Variants in TENM3 observed in about 807,000 individuals in gnomAD.
The protein encoded by TENM3 is teneurin transmembrane protein 3, also known as teneurin-3.
In TENM3, 63 loss-of-function variants were observed where a neutral mutation model predicts 255.1. The ratio of observed to expected loss-of-function variants is 0.25; its 90% CI spans 0.20 to 0.30. The LOEUF (loss-of-function observed/expected upper bound fraction) is 0.30. Ranked by LOEUF, TENM3 falls within the 10% of genes least tolerant of loss-of-function variation. The pLI, the probability that TENM3 is intolerant of heterozygous loss-of-function variation, is 1.00. For synonymous variants in TENM3, 1,306 were observed against 1,322.3 expected (o/e 0.99, Z 0.27); for missense variants, 2,929 against 3,461.1 (o/e 0.85, Z 3.86).
chr4:182,767,604 A>G (rs1005540601), intron 22 of TENM3, among the ~76,000 whole-genome samples: 5 of 151,620 alleles, frequency 3.3e-5, no homozygotes, highest in African/African-American at 1.2e-4. Context: ...GTGTGTGTGT[A>G]TATTACATAC....
intron 1 of TENM3, among the ~76,000 whole-genome samples, chr4:182,263,234 T>TA (rs1431092804): frequency 6.6e-6 from 1 of 151,962 alleles, no homozygotes; most frequent in African/African-American, 2.4e-5. Context: ...CCAAAGGAAA[T>TA]AGACTGCAGC....
At chr4:182,265,185 T>C (rs1281226728) in intron 1 of TENM3, among the ~76,000 whole-genome samples, 1 of 152,116 alleles carries the variant, frequency 6.6e-6, no homozygotes, top group East Asian at 1.9e-4. Flanking sequence ...CGTTTTTGAG[T>C]TTTGGGGGTA....
chr4:181,502,626 G>A, the TENM3 span, among the ~76,000 whole-genome samples: 2 of 152,136 alleles, frequency 1.3e-5, no homozygotes, highest in Admixed American at 6.5e-5. Flanking sequence ...GAACTAGCAC[G>A]GTGTGGTTCT....
At chr4:181,799,694 CT>C in the TENM3 span, among the ~76,000 whole-genome samples, 1 of 150,540 alleles carries the variant, frequency 6.6e-6, no homozygotes, top group Non-Finnish European at 1.5e-5. Flanking sequence ...CCGCCAAACA[CT>C]TTCTTAGCAG....
the TENM3 span, among the ~76,000 whole-genome samples, chr4:181,782,389 T>A: frequency 6.6e-6 from 1 of 152,200 alleles, no homozygotes; most frequent in African/African-American, 2.4e-5. Flanking sequence ...TTCTTCTAGA[T>A]TTTCTAGTTT....
intron 3 of TENM3, among the ~76,000 whole-genome samples, chr4:182,536,225 C>T (rs996669423): frequency 6.6e-6 from 1 of 152,208 alleles, no homozygotes; most frequent in Non-Finnish European, 1.5e-5. Flanking sequence ...TATGTTGGGG[C>T]AACCAGTGTC....
intron 3 of TENM3, among the ~76,000 whole-genome samples, chr4:182,378,843 A>G (rs1480320350): frequency 6.6e-6 from 1 of 152,210 alleles, no homozygotes; most frequent in Non-Finnish European, 1.5e-5. Context: ...AACTTGCCTA[A>G]GAACCTGGAG....
chr4:182,001,442 C>G, the TENM3 span, among the ~76,000 whole-genome samples: 1 of 151,972 alleles, frequency 6.6e-6, no homozygotes, highest in Non-Finnish European at 1.5e-5. Flanking sequence ...TAAATGGAAC[C>G]TGCCTCCACT....
intron 1 of TENM3, among the ~76,000 whole-genome samples, chr4:182,260,761 A>T (rs1758726985): frequency 6.6e-6 from 1 of 152,258 alleles, no homozygotes; most frequent in Non-Finnish European, 1.5e-5. Context: ...AAATCAACAT[A>T]CTGAACTCAT....
chr4:182,483,533 A>C (rs1412674877), intron 3 of TENM3, among the ~76,000 whole-genome samples: 1 of 152,192 alleles, frequency 6.6e-6, no homozygotes, highest in Admixed American at 6.5e-5. Flanking sequence ...TGGAACTACT[A>C]TACTAATAAC....
the TENM3 span, among the ~76,000 whole-genome samples, chr4:181,814,587 C>CAT: frequency 6.7e-6 from 1 of 149,390 alleles, no homozygotes; most frequent in African/African-American, 2.5e-5. Context: ...TTTTTAAATG[C>CAT]GTGTGTGTGT....
intron 11 of TENM3, 64 bp from the exon 12 acceptor site, chr4:182,688,102 T>A: frequency 7.1e-7 from 1 of 1,408,894 alleles, no homozygotes; most frequent in Non-Finnish European, 9.6e-7. Flanking sequence ...AAGCTGCTTA[T>A]TAATTCCCCT....
chr4:182,464,342 C>T (rs572080186), intron 3 of TENM3, among the ~76,000 whole-genome samples: 5 of 152,142 alleles, frequency 3.3e-5, no homozygotes, highest in South Asian at 4.1e-4. Context: ...CTGCAACCTC[C>T]GCCTCCCGGG....
chr4:181,628,177 T>A, the TENM3 span, among the ~76,000 whole-genome samples: 3 of 152,182 alleles, frequency 2.0e-5, no homozygotes, highest in African/African-American at 4.8e-5. Context: ...CACTTTTTGA[T>A]GGGGTTGTTT....
chr4:182,779,662 T>G (rs1391179557), intron 24 of TENM3, among the ~76,000 whole-genome samples: 1 of 152,056 alleles, frequency 6.6e-6, no homozygotes, highest in African/African-American at 2.4e-5. Flanking sequence ...TGAACTAGTT[T>G]ACAGTCCCAC....
intron 1 of TENM3, among the ~76,000 whole-genome samples, chr4:182,274,284 G>A (rs555367587): frequency 4.6e-5 from 7 of 152,200 alleles, no homozygotes; most frequent in Non-Finnish European, 1.0e-4. Flanking sequence ...GTGTCATAAA[G>A]AAAGCATTTT....
In TENM3 at chr4:182,679,737, G is replaced by C. The variant is rs371284310; in HGVS notation, c.1398G>C (p.Glu466Asp). The C allele has an allele frequency of 3.7e-6, 6 of 1,613,834 alleles. No homozygotes were observed. The highest frequency in any genetic ancestry group is 5.1e-6 in the Non-Finnish European group (6 of 1,179,896). The change falls in exon 8 of 28, where the codon GAG (glutamate) becomes GAC (aspartate). Residue 466 changes from glutamate to aspartate, a missense_variant. By Grantham distance (45) the Glu-to-Asp change is conservative. This residue lies in a region of TENM3 where 1,608 missense variants were observed against 1,884.4 expected (regional missense o/e 0.85). Coordinates refer to ENST00000511685, the MANE Select transcript of TENM3 (RefSeq NM_001080477.4). ...AGCAGCGGAGCCTGCTTGAGACGGA[G>C]AGAGCCGGGCGGCAGGCGAGATCCG... Reference protein sequence around the residue: ...AREQRSLLETERAGRQARSVS... With the variant: ...AREQRSLLETDRAGRQARSVS...
the TENM3 span, among the ~76,000 whole-genome samples, chr4:181,742,316 T>C: frequency 2.0e-4 from 31 of 152,278 alleles, no homozygotes; most frequent in East Asian, 5.8e-3. Flanking sequence ...CCAAATTCTC[T>C]CTCGTCTAAA....
intron 3 of TENM3, among the ~76,000 whole-genome samples, chr4:182,443,306 C>T (rs939600601): frequency 6.6e-6 from 1 of 152,088 alleles, no homozygotes; most frequent in East Asian, 1.9e-4. Flanking sequence ...GTCTGCAGCC[C>T]CTGAATCCAA....
Sources: gnomAD v4.1 joint callset for allele counts (sites outside exome capture counted in the v4.1 genomes callset) on GRCh38, gnomAD v4.1.1 for gene constraint, gnomAD v4.1.1 regional missense constraint, MANE v1.5 for transcripts, NCBI Gene and HGNC (gene_info 2026-07-23, HGNC 2026-07-21) for gene names.